TRMT9B: variants seen among roughly 807,000 people sequenced by gnomAD.
TRMT9B encodes the protein tRNA methyltransferase 9B (putative), also known as probable tRNA methyltransferase 9B.
A neutral mutation model predicts 11.5 loss-of-function variants in TRMT9B; 16 were observed. The observed-to-expected ratio is 1.39, with a 90% CI of 0.94 to 2.11. The LOEUF is 2.11. Ranked by LOEUF, TRMT9B falls within the 30% of genes most tolerant of loss-of-function variation. The pLI is 0.00. For missense variants in TRMT9B, 941 were observed against 553.8 expected, an observed-to-expected ratio of 1.70 and a Z score of -7.02; for synonymous variants, 274 against 192.4, an observed-to-expected ratio of 1.42 and a Z score of -3.51.
chr8:13,020,233 T>C lies in TRMT9B; in HGVS notation c.329-775T>C, dbSNP rs557757056. On this transcript the variant is annotated intron_variant, in intron 4 of 4. Transcript: ENST00000524591. ...TCACTGATATATTGGTGCATCTATG[T>C]AGGGAAAAATAATTTGAAGTTTTCT... 2.0e-5 allele frequency among the ~76,000 whole-genome samples: 3 copies of C among 152,306 alleles called. No homozygotes were observed. In the South Asian group the frequency reaches 6.2e-4, roughly 32 times the overall value.
chr8:12,953,125 C>G (rs1800850249), intron 1 of TRMT9B, among the ~76,000 whole-genome samples: 1 of 152,178 alleles, frequency 6.6e-6, no homozygotes, highest in African/African-American at 2.4e-5. Context: ...CTGTAAACGT[C>G]TACTTGCAGA....
chr8:13,010,668 G>A (rs556289809), intron 3 of TRMT9B: 1 of 984,394 alleles, frequency 1.0e-6, no homozygotes, highest in Admixed American at 6.2e-5. Context: ...TCATTCTAAA[G>A]ATGTATGAGT....
At chr8:13,007,560 G>C (rs768827890) in intron 3 of TRMT9B, 3 of 152,188 alleles carry the variant, frequency 2.0e-5, no homozygotes, top group Non-Finnish European at 2.9e-5. Context: ...AAGATGGTAT[G>C]AGTAATGTGG....
chr8:13,021,422 G>T lies in TRMT9B; in HGVS notation c.743G>T (p.Arg248Leu), dbSNP rs184909958. 3 of 1,614,036 alleles carry T rather than the reference G, an allele frequency of 1.9e-6. No homozygotes were observed. The highest frequency in any genetic ancestry group is 2.5e-6 in the Non-Finnish European group (3 of 1,179,904). ...TACAGCACATTAGGAAAATCGTTTC[G>T]TTCCTGGTTTTTCTCCAGATCTTTG... ...GFYSTLGKSF[R>L]SWFFSRSLDE... Residue 248 changes from arginine to leucine, a missense_variant, in exon 5 of 5, where the codon CGT becomes CTT. Transcript: ENST00000524591.
Position 13,006,269 on chromosome 8 carries a change from T to C in TRMT9B, c.67T>C (p.Tyr23His). ...CAATGTGTACGAGAGCACAGCCCCTTACTTCAGCGACCTGCAGAGCAAAGC... is the reference window on the plus strand; with the variant it reads ...CAATGTGTACGAGAGCACAGCCCCTCACTTCAGCGACCTGCAGAGCAAAGC... ...VHNVYESTAP[Y>H]FSDLQSKAWP... Residue 23 changes from tyrosine to histidine, a missense_variant, in exon 3 of 5, where the codon TAC becomes CAC. Coordinates refer to ENST00000524591, the MANE Select transcript of TRMT9B (RefSeq NM_020844.3). The C allele has an allele frequency of 6.2e-7, 1 of 1,613,996 alleles. No individual in the cohort carries two copies.
At position 12,984,977 on chromosome 8, in the gene TRMT9B, ACACACACACACT is replaced by A. The variant is rs1563361517; in HGVS notation, c.-199-5855_-199-5844del. 4.6e-5 allele frequency among the ~76,000 whole-genome samples: 6 copies of A among 130,978 alleles called. No homozygotes were observed. In the East Asian group the frequency reaches 6.2e-4, roughly 13 times the overall value. The allele number at this position is 130,978 out of a possible 152,430, so 85.9% of individuals were successfully genotyped here. A position where few individuals can be genotyped will look rare whatever the true frequency, so the allele number is the denominator to read the frequency against. ...CATACACACACACACACACACACAC[ACACACACACACT>A]CTCTCTCTCACACTCCCCACCCAGA... On this transcript the variant is annotated intron_variant, in intron 1 of 4. Transcript: ENST00000524591.
At chr8:13,015,978 C>T (rs558501475) in intron 4 of TRMT9B, among the ~76,000 whole-genome samples, 2 of 151,416 alleles carry the variant, frequency 1.3e-5, no homozygotes, top group Non-Finnish European at 1.5e-5. Context: ...GGCATGGTGA[C>T]GGGCACCTGA....
At chr8:13,008,958 G>T (rs1294318490) in intron 3 of TRMT9B, among the ~76,000 whole-genome samples, 3 of 151,882 alleles carry the variant, frequency 2.0e-5, no homozygotes, top group Non-Finnish European at 2.9e-5. Context: ...TCGATCTCCT[G>T]ACTTTGTGAT....
At chr8:12,959,687 C>G (rs1434052940) in intron 1 of TRMT9B, among the ~76,000 whole-genome samples, 2 of 151,702 alleles carry the variant, frequency 1.3e-5, no homozygotes, top group South Asian at 2.1e-4. Flanking sequence ...ACCTAGCTAA[C>G]TTTGTTTAGT....
chr8:12,985,725 T>C (rs1039341506), intron 1 of TRMT9B, among the ~76,000 whole-genome samples: 1 of 152,154 alleles, frequency 6.6e-6, no homozygotes, highest in African/African-American at 2.4e-5. Context: ...TCTCCTCTAA[T>C]GCTGACATCT....
chr8:12,979,937 C>A (rs1444715489), intron 1 of TRMT9B, among the ~76,000 whole-genome samples: 2 of 152,036 alleles, frequency 1.3e-5, no homozygotes, highest in Non-Finnish European at 1.5e-5. Context: ...GGACAAGGGC[C>A]CCTTTTAGTG....
At chr8:13,010,284 GTCATATTT>G (rs1186578277) in intron 3 of TRMT9B, 1 of 914,574 alleles carries the variant, frequency 1.1e-6, no homozygotes, top group African/African-American at 1.8e-5. Context: ...AATAAATAGG[GTCATATTT>G]TCATTGCAAA....
chr8:12,954,522 G>A (rs1025448317), intron 1 of TRMT9B, among the ~76,000 whole-genome samples: 3 of 152,198 alleles, frequency 2.0e-5, no homozygotes, highest in Non-Finnish European at 4.4e-5. Flanking sequence ...CTCTCATTGC[G>A]ATTAAGCCCC....
Position 12,945,778 on chromosome 8 carries a change from G to C in TRMT9B, c.-388G>C, listed in dbSNP as rs1278936850. ...TTGTTTTATTCTTTTTTCATTTTTT[G>C]TGTTTTTTGTTAGTTTGTTTTGAAT... On this transcript the variant is annotated 5_prime_UTR_variant, in exon 1 of 5. Coordinates refer to ENST00000524591, the MANE Select transcript of TRMT9B (RefSeq NM_020844.3). The C allele has an allele frequency of 6.6e-6, 1 of 151,790 alleles. No homozygotes were observed. Among genetic ancestry groups the C allele is most frequent in the Non-Finnish European group, 1.5e-5 (1 of 67,930 alleles). 9.4% of individuals were successfully genotyped at this position (151,790 alleles called of 1,614,324 possible).
intron 2 of TRMT9B, among the ~76,000 whole-genome samples, chr8:13,005,834 T>C (rs182796631): frequency 6.6e-6 from 1 of 152,232 alleles, no homozygotes; most frequent in Non-Finnish European, 1.5e-5. Context: ...CTACCTGTTA[T>C]GAAATTTTGA....
chr8:13,006,468 C>G (rs1361286523), intron 3 of TRMT9B, 112 bp downstream of exon 3: 14 of 1,565,578 alleles, frequency 8.9e-6, no homozygotes, highest in African/African-American at 2.7e-5. Context: ...TCATTGCTGT[C>G]ATAGGTAACC....
chr8:12,985,929 T>C (rs1806219298), intron 1 of TRMT9B, among the ~76,000 whole-genome samples: 2 of 152,226 alleles, frequency 1.3e-5, no homozygotes, highest in African/African-American at 4.8e-5. Flanking sequence ...GGCGTGATCT[T>C]GGCTCACTGC....
intron 1 of TRMT9B, among the ~76,000 whole-genome samples, chr8:12,967,633 G>T (rs181337747): frequency 6.6e-6 from 1 of 152,270 alleles, no homozygotes; most frequent in East Asian, 1.9e-4. Flanking sequence ...CATTAACAAT[G>T]GCAAAGCCTC....
rs751576517 is a variant in TRMT9B, at chr8:13,016,981, G to A, written c.329-4027G>A. Reference sequence around the variant, plus strand: ...CTGTACTAAAAATAGAAACTTGGCCGGGCATAGTAGTGCATGCCTGTAATC... The same window carrying A: ...CTGTACTAAAAATAGAAACTTGGCCAGGCATAGTAGTGCATGCCTGTAATC... On this transcript the variant is annotated intron_variant, in intron 4 of 4. Coordinates refer to ENST00000524591, the MANE Select transcript of TRMT9B (RefSeq NM_020844.3). Among the ~76,000 whole-genome samples, 4 of 151,232 alleles carry A rather than the reference G, an allele frequency of 2.6e-5. 1 individual carries two copies. The highest frequency in any genetic ancestry group is 4.4e-5 in the Non-Finnish European group (3 of 67,886).
Sources: allele counts gnomAD v4.1 joint callset (sites outside exome capture counted in the v4.1 genomes callset), GRCh38; gene constraint gnomAD v4.1.1; transcripts MANE v1.5; gene names NCBI Gene and HGNC (gene_info 2026-07-23, HGNC 2026-07-21).